SELENOF: variants seen among roughly 807,000 people sequenced by gnomAD.
SELENOF encodes 15 kDa selenoprotein.
Under a neutral mutation model 20.5 loss-of-function variants are expected in SELENOF, and 16 were observed. The ratio of observed to expected loss-of-function variants is 0.78; its 90% CI spans 0.53 to 1.19. The LOEUF is 1.19. SELENOF is among the 50% of genes most tolerant of loss of function. The pLI is 0.00. For missense variants in SELENOF, 215 were observed against 194.2 expected, an observed-to-expected ratio of 1.11 and a Z score of -0.64; for synonymous variants, 78 against 74.5, an observed-to-expected ratio of 1.05 and a Z score of -0.24.
At chr1:86,875,617 T>C (rs1658905575) in intron 3 of SELENOF, among the ~76,000 whole-genome samples, 1 of 152,220 alleles carries the variant, frequency 6.6e-6, no homozygotes, top group Admixed American at 6.5e-5. Context: ...GGTGCAATGT[T>C]ACATAGATTT....
chr1:86,874,412 C>G (rs138637101), intron 3 of SELENOF, among the ~76,000 whole-genome samples: 37 of 152,204 alleles, frequency 2.4e-4, no homozygotes, highest in Non-Finnish European at 4.7e-4. Context: ...GATTTAAAGA[C>G]AGATTAAATG....
intron 1 of SELENOF, among the ~76,000 whole-genome samples, chr1:86,907,338 G>A (rs1308120011): frequency 2.0e-5 from 3 of 152,110 alleles, no homozygotes; most frequent in Non-Finnish European, 4.4e-5. Context: ...TACTAGACAT[G>A]GGATAAAAGA....
chr1:86,913,121 T>C (rs1660031321), intron 1 of SELENOF, among the ~76,000 whole-genome samples: 1 of 152,174 alleles, frequency 6.6e-6, no homozygotes, highest in Non-Finnish European at 1.5e-5. Context: ...TTCAAGCTCT[T>C]TGAGAAAGGT....
intron 1 of SELENOF, 28 bp downstream of exon 1, chr1:86,914,000 G>A (rs756312199): frequency 5.7e-6 from 9 of 1,584,728 alleles, no homozygotes; most frequent in Middle Eastern, 1.7e-4. Flanking sequence ...CTCTCCCTGT[G>A]GCAGCTGCGA....
At chr1:86,893,113 CTCT>C (rs898488553) in intron 2 of SELENOF, among the ~76,000 whole-genome samples, 1 of 152,104 alleles carries the variant, frequency 6.6e-6, no homozygotes, top group Non-Finnish European at 1.5e-5. Context: ...CCCTAGTTTC[CTCT>C]TCTATTAAAT....
chr1:86,876,320 A>T (rs1658923211), intron 3 of SELENOF, among the ~76,000 whole-genome samples: 1 of 152,144 alleles, frequency 6.6e-6, no homozygotes, highest in South Asian at 2.1e-4. Flanking sequence ...CCATTTATAG[A>T]AACAGGGAAG....
chr1:86,899,586 G>A lies in SELENOF; in HGVS notation c.252+3695C>T, dbSNP rs1453932728. ...CCCGGACGGGGCGGCTGGCCGGGCA[G>A]GGGGCTGACCCCCCAACCTCCCTCC... On this transcript the variant is annotated intron_variant, in intron 2 of 4. Transcript: ENST00000331835. Among the ~76,000 whole-genome samples, 3 of 150,796 alleles carry A rather than the reference G, an allele frequency of 2.0e-5. No individual in the cohort carries two copies. The East Asian group carries it at 6.0e-4, about 30-fold the overall frequency.
At chr1:86,880,301 A>G (rs1659033462) in intron 3 of SELENOF, among the ~76,000 whole-genome samples, 1 of 151,970 alleles carries the variant, frequency 6.6e-6, no homozygotes, top group Non-Finnish European at 1.5e-5. Flanking sequence ...GCGCCCAGCT[A>G]ATTTTTGTAT....
intron 4 of SELENOF, among the ~76,000 whole-genome samples, chr1:86,866,615 A>AT (rs1221715009): frequency 3.3e-5 from 5 of 152,126 alleles, no homozygotes; most frequent in Admixed American, 3.3e-4. Flanking sequence ...TACATTTAAT[A>AT]TTTTTTACCA....
At chr1:86,869,849 A>G (rs113569788) in intron 3 of SELENOF, among the ~76,000 whole-genome samples, 2 of 151,826 alleles carry the variant, frequency 1.3e-5, no homozygotes, top group East Asian at 3.9e-4. Context: ...ATCTCGGCTC[A>G]CTGCAACCTC....
intron 2 of SELENOF, among the ~76,000 whole-genome samples, chr1:86,893,543 G>A (rs996559102): frequency 1.4e-5 from 2 of 144,304 alleles, no homozygotes; most frequent in Non-Finnish European, 3.0e-5. Context: ...GCTTGAAACC[G>A]GGAGGCAGAG....
In SELENOF at chr1:86,891,174, C is replaced by T. The variant is rs149765747; in HGVS notation, c.253-10449G>A. Reference sequence around the variant, plus strand: ...AAGCGATTCTCCTGCTTCAGCCTCCCGAGTAGCTGAGGTTACAGGCATGTG... The same window carrying T: ...AAGCGATTCTCCTGCTTCAGCCTCCTGAGTAGCTGAGGTTACAGGCATGTG... On this transcript the variant is annotated intron_variant, in intron 2 of 4. Coordinates refer to ENST00000331835, the MANE Select transcript of SELENOF (RefSeq NM_004261.5). Among the ~76,000 whole-genome samples, 1,035 of 151,998 alleles carry T rather than the reference C, an allele frequency of 6.8e-3. 10 individuals are homozygous for T. The highest frequency in any genetic ancestry group is 0.024 in the African/African-American group (979 of 41,438).
chr1:86,887,000 T>A (rs370430501), intron 2 of SELENOF, among the ~76,000 whole-genome samples: 3 of 152,270 alleles, frequency 2.0e-5, no homozygotes, highest in African/African-American at 4.8e-5. Flanking sequence ...GAAAAATACA[T>A]CACACAGAAA....
intron 3 of SELENOF, among the ~76,000 whole-genome samples, chr1:86,873,192 G>A (rs1658829757): frequency 6.6e-6 from 1 of 152,110 alleles, no homozygotes; most frequent in Non-Finnish European, 1.5e-5. Context: ...GGGAGGCAGA[G>A]GTTGCAGTGA....
intron 2 of SELENOF, among the ~76,000 whole-genome samples, chr1:86,895,856 T>G (rs1659508201): frequency 6.6e-6 from 1 of 152,104 alleles, no homozygotes; most frequent in Admixed American, 6.6e-5. Flanking sequence ...TATCAAAATA[T>G]TTTGAAGGAG....
chr1:86,890,656 C>CT (rs559873950), intron 2 of SELENOF, among the ~76,000 whole-genome samples: 11,790 of 140,700 alleles, frequency 0.084, 564 homozygotes, highest in African/African-American at 0.14. Context: ...TCACACCCAG[C>CT]TTTTTTTTTT....
At chr1:86,906,758 A>G (rs1311152914) in intron 1 of SELENOF, among the ~76,000 whole-genome samples, 2 of 152,230 alleles carry the variant, frequency 1.3e-5, no homozygotes, top group Non-Finnish European at 2.9e-5. Context: ...GAGGTCTGAG[A>G]CATCATAGAA....
At chr1:86,907,275 T>C (rs1659854803) in intron 1 of SELENOF, among the ~76,000 whole-genome samples, 1 of 152,234 alleles carries the variant, frequency 6.6e-6, no homozygotes, top group Admixed American at 6.5e-5. Context: ...CACCTTCCAC[T>C]GTGAAAGCAC....
At chr1:86,876,229 T>C (rs1388326483) in intron 3 of SELENOF, among the ~76,000 whole-genome samples, 1 of 152,044 alleles carries the variant, frequency 6.6e-6, no homozygotes, top group African/African-American at 2.4e-5. Context: ...AGACACAACA[T>C]GGTGACTAAC....
Sources: allele counts gnomAD v4.1 joint callset (sites outside exome capture counted in the v4.1 genomes callset), GRCh38; gene constraint gnomAD v4.1.1; transcripts MANE v1.5; gene names NCBI Gene and HGNC (gene_info 2026-07-23, HGNC 2026-07-21).